The following RADX variants were observed in gnomAD, a reference collection of about 807,000 sequenced individuals.
The protein encoded by RADX is RPA-related protein RADX.
RADX carries 36 observed loss-of-function variants against 61.6 expected under a neutral mutation model. The observed-to-expected ratio is 0.58, with a 90% CI of 0.45 to 0.77. The LOEUF (loss-of-function observed/expected upper bound fraction) is 0.77. RADX is among the 30% of genes least tolerant of loss of function. The pLI is 0.00. For missense variants in RADX, 497 were observed against 651.1 expected, an observed-to-expected ratio of 0.76 and a Z score of 2.58; for synonymous variants, 272 against 237.9, an observed-to-expected ratio of 1.14 and a Z score of -1.32.
Position 106,612,261 on chromosome X carries a change from G to A in RADX, c.181G>A (p.Val61Ile), listed in dbSNP as rs773071044. ...EQIMDSPRQC[V>I]TPSEVVPVTV... The stretch of plus-strand genomic sequence containing the variant: ...GATTATGGACTCACCTCGCCAGTGT[G>A]TCACCCCCTCGGAGGTGGTGCCTGT... The change falls in exon 1 of 14, where the codon GTC (valine) becomes ATC (isoleucine). Residue 61 changes from valine to isoleucine, a missense_variant. Physicochemically the swap from Val to Ile is conservative, Grantham distance 29. Transcript: ENST00000372548. The A allele has an allele frequency of 8.3e-7, 1 of 1,211,387 alleles. No individual in the cohort carries two copies. The highest frequency in any genetic ancestry group is 1.1e-6 in the Non-Finnish European group (1 of 895,430).
At chrX:106,645,109 TA>T (rs1368886750) in intron 10 of RADX, among the ~76,000 whole-genome samples, 1 of 111,325 alleles carries the variant, frequency 9.0e-6, no homozygotes, top group Non-Finnish European at 1.9e-5. Flanking sequence ...GTATCAGTTG[TA>T]AAAGCTCCTT....
intron 9 of RADX, chrX:106,639,920 C>G (rs752121105): frequency 5.2e-6 from 1 of 193,561 alleles, no homozygotes. Flanking sequence ...TGTTTGTTTC[C>G]TTTTTGTGTC....
intron 11 of RADX, among the ~76,000 whole-genome samples, chrX:106,655,171 A>G (rs1235351245): frequency 9.0e-6 from 1 of 111,355 alleles, no homozygotes; most frequent in Non-Finnish European, 1.9e-5. Context: ...CCAAAAATGT[A>G]CATACCTGAA....
At chrX:106,671,179 C>T (rs922453006) in intron 13 of RADX, among the ~76,000 whole-genome samples, 6 of 111,594 alleles carry the variant, frequency 5.4e-5, no homozygotes, top group South Asian at 3.7e-4. Flanking sequence ...CTCTCTTTCT[C>T]GAATAAATAC....
At chrX:106,626,373 G>A (rs1226560188) in intron 3 of RADX, among the ~76,000 whole-genome samples, 3 of 111,693 alleles carry the variant, frequency 2.7e-5, no homozygotes, top group Admixed American at 1.9e-4. Flanking sequence ...AATCTTAAGC[G>A]TTTTGCAGAC....
chrX:106,665,927 A>C (rs1296585884), intron 12 of RADX, among the ~76,000 whole-genome samples: 4 of 111,253 alleles, frequency 3.6e-5, no homozygotes, highest in Non-Finnish European at 7.5e-5. Flanking sequence ...AATGTCAGAA[A>C]CCTATCCTAG....
chrX:106,626,641 A>C (rs1402051188), intron 3 of RADX, among the ~76,000 whole-genome samples: 2 of 112,423 alleles, frequency 1.8e-5, no homozygotes, highest in Non-Finnish European at 3.8e-5. Context: ...GCTTTCAAGT[A>C]AGTAATTGCA....
In RADX at chrX:106,632,949, T is replaced by C. The variant is rs746381872; in HGVS notation, c.1106T>C (p.Met369Thr). The C allele has an allele frequency of 3.3e-6, 4 of 1,206,306 alleles. No individual in the cohort carries two copies. The highest frequency in any genetic ancestry group is 3.0e-5 in the East Asian group (1 of 33,765). The change falls in exon 5 of 14, where the codon ATG (methionine) becomes ACG (threonine). Residue 369 changes from methionine to threonine, a missense_variant. This residue lies in a region of RADX where 196 missense variants were observed against 315.0 expected (regional missense o/e 0.62). Transcript: ENST00000372548. ...RFTTRSELDD[M>T]PENCICDVIG... is the part of the protein sequence containing the mutation. ...CTTTTTAGGTCAGAACTGGATGATA[T>C]GCCAGAAAATTGCATCTGTGATGTT...
intron 1 of RADX, among the ~76,000 whole-genome samples, chrX:106,614,065 C>A (rs1926742283): frequency 9.0e-6 from 1 of 111,558 alleles, no homozygotes; most frequent in Non-Finnish European, 1.9e-5. Context: ...AAATATACCA[C>A]CAAAGTATAG....
intron 1 of RADX, among the ~76,000 whole-genome samples, chrX:106,619,637 T>A (rs1218400814): frequency 1.8e-5 from 2 of 111,955 alleles, no homozygotes; most frequent in Non-Finnish European, 1.9e-5. Flanking sequence ...AGTTTGGTTT[T>A]CTTTTGCTTC....
intron 11 of RADX, among the ~76,000 whole-genome samples, chrX:106,657,027 G>A (rs1187235310): frequency 1.8e-5 from 2 of 112,092 alleles, no homozygotes; most frequent in Non-Finnish European, 3.8e-5. Flanking sequence ...GTCTTAGATG[G>A]CATCTTCTTC....
At chrX:106,657,795 A>G (rs1927982760) in intron 11 of RADX, among the ~76,000 whole-genome samples, 1 of 111,398 alleles carries the variant, frequency 9.0e-6, no homozygotes, top group Non-Finnish European at 1.9e-5. Flanking sequence ...GCCTCAAAAC[A>G]ATTACAATAG....
At chrX:106,638,924 A>G (rs1322225018) in intron 8 of RADX, among the ~76,000 whole-genome samples, 5 of 111,528 alleles carry the variant, frequency 4.5e-5, no homozygotes, top group Admixed American at 9.5e-5. Context: ...TGTGTTTAAC[A>G]CAATTGAGTG....
chrX:106,655,108 A>C (rs996053026), intron 11 of RADX, among the ~76,000 whole-genome samples: 10 of 111,293 alleles, frequency 9.0e-5, no homozygotes, highest in African/African-American at 3.3e-4. Flanking sequence ...TAGGTTTTTC[A>C]GTACATATAA....
intron 10 of RADX, among the ~76,000 whole-genome samples, chrX:106,642,397 G>A (rs371235708): frequency 2.8e-5 from 3 of 108,932 alleles, no homozygotes; most frequent in African/African-American, 6.6e-5. Context: ...TCACTTCCCC[G>A]CACCCCCCTG....
At position 106,678,299 on chromosome X, in the gene RADX, T is replaced by C; in HGVS notation, c.*41T>C. On this transcript the variant is annotated 3_prime_UTR_variant, in exon 14 of 14. Coordinates refer to ENST00000372548, the MANE Select transcript of RADX (RefSeq NM_018015.6). ...ATTATTACAGATTATACGAGTGTAC[T>C]GCTTTAAAGATATTCCATCATTTTG... 1.1e-6 allele frequency: 1 copy of C among 936,376 alleles called. No individual in the cohort carries two copies. The highest frequency in any genetic ancestry group is 1.5e-6 in the Non-Finnish European group (1 of 674,035). The allele number at this position is 936,376 out of a possible 1,213,427, so 77.2% of individuals were successfully genotyped here. A position where few individuals can be genotyped will look rare whatever the true frequency, so the allele number is the denominator to read the frequency against.
At chrX:106,674,307 T>G (rs1928450014) in intron 13 of RADX, among the ~76,000 whole-genome samples, 1 of 111,420 alleles carries the variant, frequency 9.0e-6, no homozygotes, top group African/African-American at 3.3e-5. Context: ...ACATACCCAG[T>G]AGTGGAATTG....
At chrX:106,649,139 A>G (rs1927734890) in intron 11 of RADX, among the ~76,000 whole-genome samples, 1 of 111,569 alleles carries the variant, frequency 9.0e-6, no homozygotes, top group Admixed American at 9.6e-5. Flanking sequence ...ATAGATTTTT[A>G]TTCATTTCTC....
Position 106,639,598 on chromosome X carries a change from C to T in RADX, c.1645C>T (p.Arg549Cys). ...AGACTTGCAGTATAGGGAACAAAAGCGCATTGCAATTCAGGGGATAATTAC... is the reference window on the plus strand; with the variant it reads ...AGACTTGCAGTATAGGGAACAAAAGTGCATTGCAATTCAGGGGATAATTAC... Reference protein sequence around the residue: ...IEDLQYREQKRIAIQGIITAI... With the variant: ...IEDLQYREQKCIAIQGIITAI... Residue 549 changes from arginine to cysteine, a missense_variant, in exon 9 of 14, where the codon CGC (arginine) becomes TGC (cysteine). Arg to Cys is a radical substitution (Grantham distance 180, BLOSUM62 -3). Coordinates refer to ENST00000372548, the MANE Select transcript of RADX (RefSeq NM_018015.6). The T allele has an allele frequency of 8.3e-7, 1 of 1,203,181 alleles. No individual in the cohort carries two copies. The highest frequency in any genetic ancestry group is 1.1e-6 in the Non-Finnish European group (1 of 890,049).
Sources: allele counts gnomAD v4.1 joint callset (sites outside exome capture counted in the v4.1 genomes callset), GRCh38; gene constraint gnomAD v4.1.1; regional missense constraint gnomAD v4.1.1; transcripts MANE v1.5; gene names NCBI Gene and HGNC (gene_info 2026-07-23, HGNC 2026-07-21).